Variants in SULT1E1 observed in about 807,000 individuals in gnomAD.
The protein encoded by SULT1E1 is sulfotransferase 1E1.
Under a neutral mutation model 33.6 loss-of-function variants are expected in SULT1E1, and 36 were observed. The ratio of observed to expected loss-of-function variants is 1.07; its 90% CI spans 0.82 to 1.41. SULT1E1 has a LOEUF of 1.41. Among genes scored for constraint, SULT1E1 ranks in the 40% most tolerant of loss-of-function variants. The probability of loss-of-function intolerance (pLI) is 0.00; values close to 1 mark genes in which losing one functional copy is unlikely to be tolerated. For missense variants in SULT1E1, 371 were observed against 345.7 expected (o/e 1.07, Z -0.58); for synonymous variants, 121 against 111.7 (o/e 1.08, Z -0.53).
the SULT1E1 span, among the ~76,000 whole-genome samples, chr4:69,826,302 C>T: frequency 8.6e-5 from 13 of 151,994 alleles, no homozygotes; most frequent in African/African-American, 2.4e-4. Context: ...GAGAATGTGT[C>T]GGTAAGGGCC....
the SULT1E1 span, among the ~76,000 whole-genome samples, chr4:69,822,207 C>T: frequency 6.6e-6 from 1 of 152,146 alleles, no homozygotes; most frequent in East Asian, 1.9e-4. Flanking sequence ...ATCAGGGTAA[C>T]TTATTCATTT....
intron 4 of SULT1E1, among the ~76,000 whole-genome samples, chr4:69,851,421 G>A (rs910926642): frequency 1.6e-4 from 25 of 152,146 alleles, no homozygotes; most frequent in Admixed American, 1.6e-3. Flanking sequence ...AAACCATAAT[G>A]AGATACCGTC....
intron 1 of SULT1E1, among the ~76,000 whole-genome samples, chr4:69,858,934 T>A (rs531326793): frequency 1.3e-5 from 2 of 152,118 alleles, no homozygotes; most frequent in East Asian, 3.9e-4. Context: ...TATCATTAAG[T>A]GGTTGGCTGA....
chr4:69,824,953 G>T, the SULT1E1 span, among the ~76,000 whole-genome samples: 2 of 152,136 alleles, frequency 1.3e-5, no homozygotes, highest in Non-Finnish European at 2.9e-5. Context: ...TCACTCTTTG[G>T]GTTGCTCTTT....
At chr4:69,828,070 C>T in the SULT1E1 span, among the ~76,000 whole-genome samples, 2 of 152,192 alleles carry the variant, frequency 1.3e-5, no homozygotes, top group South Asian at 2.1e-4. Flanking sequence ...GAGGCAAGTG[C>T]CAGCACATGT....
At chr4:69,832,078 C>T in the SULT1E1 span, among the ~76,000 whole-genome samples, 5 of 152,188 alleles carry the variant, frequency 3.3e-5, no homozygotes, top group African/African-American at 1.2e-4. Context: ...GGTTATACCT[C>T]GGGAGGTGAT....
Position 69,854,247 on chromosome 4 carries a change from A to G in SULT1E1, c.339T>C (p.Leu113=), listed in dbSNP as rs763984105. 3 of 1,612,106 alleles carry G rather than the reference A, an allele frequency of 1.9e-6. No homozygotes were observed. Among genetic ancestry groups the G allele is most frequent in the Admixed American group, 3.3e-5 (2 of 59,952 alleles). ...IVKTHLPPEL[L]PASFWEKDCK... ...AATCCTTTTCCCAAAATGAGGCAGG[A>G]AGAAGTTCAGGTGGCAAATGAGTCT... The change falls in exon 4 of 8, where the codon CTT becomes CTC. Residue 113 remains leucine (L), a synonymous_variant. Coordinates refer to ENST00000226444, the MANE Select transcript of SULT1E1 (RefSeq NM_005420.3).
At position 69,842,076 on chromosome 4, in the gene SULT1E1, G is replaced by C; in HGVS notation, c.803C>G (p.Thr268Arg). 1 of 1,609,990 alleles carries C rather than the reference G, an allele frequency of 6.2e-7. No individual in the cohort carries two copies. The highest frequency in any genetic ancestry group is 8.5e-7 in the Non-Finnish European group (1 of 1,178,156). Residue 268 changes from threonine to arginine, a missense_variant, in exon 8 of 8, where the codon ACA becomes AGA. Coordinates refer to ENST00000226444, the MANE Select transcript of SULT1E1 (RefSeq NM_005420.3). The stretch of plus-strand genomic sequence containing the variant: ...ATCAAATTTTTCATTCAGGGCTACT[G>C]TAAAGTGATTTTTCCAGTCTCCTGT... ...GITGDWKNHF[T>R]VALNEKFDKH...
At chr4:69,823,034 C>A in the SULT1E1 span, among the ~76,000 whole-genome samples, 1 of 152,162 alleles carries the variant, frequency 6.6e-6, no homozygotes, top group African/African-American at 2.4e-5. Context: ...TGCTTTGGTG[C>A]TATTGCTGCA....
rs374474809 is a variant in SULT1E1 at position 69,849,498 on chromosome 4, C to A, written c.435G>T (p.Val145=). 6.2e-7 allele frequency: 1 copy of A among 1,611,518 alleles called. No individual in the cohort carries two copies. The highest frequency in any genetic ancestry group is 1.3e-5 in the African/African-American group (1 of 74,800). Residue 145 remains valine, a synonymous_variant, in exon 5 of 8, where the codon GTG becomes GTT. Coordinates refer to ENST00000226444, the MANE Select transcript of SULT1E1 (RefSeq NM_005420.3). ...AGGATCCAGGATTTGGATGACCAGC[C>A]ACCATTAGAAAGAAATAATAAAAGG... ...AVSFYYFFLM[V]AGHPNPGSFP...
intron 4 of SULT1E1, among the ~76,000 whole-genome samples, chr4:69,852,842 A>T (rs766106558): frequency 6.6e-6 from 1 of 152,174 alleles, no homozygotes; most frequent in Non-Finnish European, 1.5e-5. Flanking sequence ...ACCTGTTTCC[A>T]TTTGAGAAGT....
At chr4:69,839,439 T>G (rs1295187366), downstream of SULT1E1, among the ~76,000 whole-genome samples, 1 of 152,222 alleles carries the variant, frequency 6.6e-6, no homozygotes, top group Non-Finnish European at 1.5e-5. Context: ...CTCTCATTAA[T>G]CAATTAATCC....
chr4:69,832,641 T>A, the SULT1E1 span, among the ~76,000 whole-genome samples: 1 of 152,120 alleles, frequency 6.6e-6, no homozygotes, highest in Non-Finnish European at 1.5e-5. Flanking sequence ...CTGGGTTAGT[T>A]CAAAGTTCAA....
At chr4:69,859,480 C>A (rs1340194377) in intron 1 of SULT1E1, among the ~76,000 whole-genome samples, 1 of 152,048 alleles carries the variant, frequency 6.6e-6, no homozygotes, top group Non-Finnish European at 1.5e-5. Flanking sequence ...CACTATGACA[C>A]AAAGTAGATG....
At chr4:69,845,725 G>T (rs1369917082) in intron 6 of SULT1E1, among the ~76,000 whole-genome samples, 1 of 151,206 alleles carries the variant, frequency 6.6e-6, no homozygotes, top group Non-Finnish European at 1.5e-5. Flanking sequence ...GACCAAAATC[G>T]GGAGTAAGTA....
chr4:69,848,208 A>G (rs1721021149), intron 5 of SULT1E1, among the ~76,000 whole-genome samples: 1 of 151,598 alleles, frequency 6.6e-6, no homozygotes, highest in African/African-American at 2.4e-5. Flanking sequence ...CAAATTTACC[A>G]TTTACAAACT....
chr4:69,834,581 A>T, the SULT1E1 span, among the ~76,000 whole-genome samples: 15 of 151,982 alleles, frequency 9.9e-5, no homozygotes, highest in Non-Finnish European at 2.1e-4. Context: ...TAAATGGTCC[A>T]CTCTTAGGCC....
At position 69,855,349 on chromosome 4, in the gene SULT1E1, A is replaced by C; in HGVS notation, c.223T>G (p.Phe75Val). ...DVEKCKEDVI[F>V]NRIPFLECRK... The stretch of plus-strand genomic sequence containing the variant: ...CATTCCAGGAAAGGTATTCGATTAA[A>C]AATTACATCTTCTTTGCACTTTTCC... Residue 75 changes from phenylalanine to valine, a missense_variant, in exon 3 of 8, where the codon TTT becomes GTT. Phe to Val is a conservative substitution (Grantham distance 50). Coordinates refer to ENST00000226444, the MANE Select transcript of SULT1E1 (RefSeq NM_005420.3). The C allele has an allele frequency of 6.2e-7, 1 of 1,613,294 alleles. No homozygotes were observed. The highest frequency in any genetic ancestry group is 8.5e-7 in the Non-Finnish European group (1 of 1,179,586).
chr4:69,824,183 T>C, the SULT1E1 span, among the ~76,000 whole-genome samples: 293 of 152,304 alleles, frequency 1.9e-3, 1 homozygote, highest in African/African-American at 6.5e-3. Context: ...GTTGCTGTCC[T>C]AAAGTCAGTT....
Sources: allele counts gnomAD v4.1 joint callset (sites outside exome capture counted in the v4.1 genomes callset), GRCh38; gene constraint gnomAD v4.1.1; transcripts MANE v1.5; gene names NCBI Gene and HGNC (gene_info 2026-07-23, HGNC 2026-07-21).